The following RUNX1T1 variants were observed in gnomAD, a reference collection of about 807,000 sequenced individuals.
RUNX1T1 encodes the protein protein CBFA2T1.
Under a neutral mutation model 62.8 loss-of-function variants are expected in RUNX1T1, and 4 were observed. The ratio of observed to expected loss-of-function variants is 0.06; its 90% confidence interval spans 0.03 to 0.15. The LOEUF is 0.15. Ranked by LOEUF, RUNX1T1 falls within the 10% of genes least tolerant of loss-of-function variation. The probability of loss-of-function intolerance (pLI) is 1.00; values close to 1 mark genes in which losing one functional copy is unlikely to be tolerated. For synonymous variants in RUNX1T1, 291 were observed against 286.0 expected, an observed-to-expected ratio of 1.02 and a Z score of -0.18; for missense variants, 508 against 754.3, an observed-to-expected ratio of 0.67 and a Z score of 3.82.
At chr8:91,984,548 G>A (rs1290595710) in intron 8 of RUNX1T1, among the ~76,000 whole-genome samples, 1 of 152,086 alleles carries the variant, frequency 6.6e-6, no homozygotes, top group African/African-American at 2.4e-5. Context: ...ACATTGCCTG[G>A]CACATAGTAA....
chr8:92,101,524 G>A (rs1483483912), upstream of RUNX1T1, among the ~76,000 whole-genome samples: 1 of 152,234 alleles, frequency 6.6e-6, no homozygotes, highest in East Asian at 1.9e-4. Flanking sequence ...ACTAGGGCAC[G>A]GTGGAATTTG....
chr8:92,014,237 T>G (rs1398912766), intron 3 of RUNX1T1, among the ~76,000 whole-genome samples: 1 of 152,060 alleles, frequency 6.6e-6, no homozygotes, highest in Non-Finnish European at 1.5e-5. Context: ...CCACTAGGCA[T>G]GCCAGGAAAG....
intron 8 of RUNX1T1, among the ~76,000 whole-genome samples, chr8:91,983,022 G>C (rs1407611818): frequency 6.7e-6 from 1 of 148,352 alleles, no homozygotes; most frequent in East Asian, 2.0e-4. Flanking sequence ...CTGCCTCCCA[G>C]GTTCAGGTGA....
chr8:92,095,573 A>G, intron 1 of RUNX1T1: 1 of 1,446,530 alleles, frequency 6.9e-7, no homozygotes, highest in African/African-American at 1.4e-5. Flanking sequence ...GAAAATAAAC[A>G]GAGGGTGCGT....
intron 4 of RUNX1T1, among the ~76,000 whole-genome samples, chr8:92,006,975 AAATGACTTCCTACAGGATAAC>A (rs890993173): frequency 1.3e-5 from 2 of 152,200 alleles, no homozygotes; most frequent in African/African-American, 4.8e-5. Flanking sequence ...GTAACAATGG[AAATGACTTCCTACAGGATAAC>A]AATGCTAAAA....
chr8:92,057,961 C>CTAAG (rs1411037845), intron 1 of RUNX1T1, among the ~76,000 whole-genome samples: 1 of 152,088 alleles, frequency 6.6e-6, no homozygotes, highest in Non-Finnish European at 1.5e-5. Context: ...CCAAAAAATG[C>CTAAG]TAAGTTACAT....
In RUNX1T1 at chr8:92,003,695, A is replaced by G. The variant is rs1279555891; in HGVS notation, c.659+1421T>C. Among the ~76,000 whole-genome samples, 3 of 152,334 alleles carry G rather than the reference A, an allele frequency of 2.0e-5. No homozygotes were observed. In the East Asian group the frequency reaches 5.8e-4, roughly 29 times the overall value. On this transcript the variant is annotated intron_variant, in intron 5 of 10. Coordinates refer to ENST00000396218, the Ensembl canonical transcript of RUNX1T1. ...CAGTTCAGGTCAAACAGGAATGCAC[A>G]TGTAAATCACCTATTGTTGAGCCAC...
exon 6 of RUNX1T1, chr8:91,991,778 G>A (rs1247955152): frequency 6.2e-7 from 1 of 1,614,018 alleles, no homozygotes; most frequent in African/African-American, 1.3e-5. Context: ...CATTGGGCTG[G>A]TAGGATAAGC....
chr8:91,985,458 C>T (rs759267679), intron 8 of RUNX1T1, among the ~76,000 whole-genome samples: 16 of 151,870 alleles, frequency 1.1e-4, no homozygotes, highest in Non-Finnish European at 5.9e-5. Context: ...TATTATGAGT[C>T]CTATTATAAA....
intron 1 of RUNX1T1, among the ~76,000 whole-genome samples, chr8:92,022,120 A>T (rs1563776955): frequency 6.6e-6 from 1 of 151,498 alleles, no homozygotes; most frequent in South Asian, 2.1e-4. Context: ...TGATGGCGAT[A>T]TTTTTTAAAA....
chr8:92,026,690 C>T (rs991675203), intron 1 of RUNX1T1, among the ~76,000 whole-genome samples: 1 of 151,628 alleles, frequency 6.6e-6, no homozygotes, highest in Non-Finnish European at 1.5e-5. Context: ...GGCCTGGTGG[C>T]GGGCGCCTGT....
At chr8:92,042,633 C>T (rs888517420) in intron 1 of RUNX1T1, among the ~76,000 whole-genome samples, 1 of 152,172 alleles carries the variant, frequency 6.6e-6, no homozygotes, top group Non-Finnish European at 1.5e-5. Context: ...ATCTGCTTTC[C>T]CTCACCTTAA....
intron 1 of RUNX1T1, among the ~76,000 whole-genome samples, chr8:92,029,786 T>C (rs1223901106): frequency 6.6e-6 from 1 of 152,158 alleles, no homozygotes; most frequent in African/African-American, 2.4e-5. Context: ...GAAAACTTCT[T>C]GTAAAACCAA....
At chr8:91,955,343 A>G (rs1253498055), downstream of RUNX1T1, 1 of 227,598 alleles carries the variant, frequency 4.4e-6, no homozygotes, top group African/African-American at 2.2e-5. Context: ...AATAAGATGC[A>G]GTAACACATT....
chr8:92,000,032 A>G (rs981206913), intron 5 of RUNX1T1, among the ~76,000 whole-genome samples: 1 of 152,156 alleles, frequency 6.6e-6, no homozygotes, highest in African/African-American at 2.4e-5. Flanking sequence ...GTGGCTCGGT[A>G]CAGTGGCTCA....
exon 11 of RUNX1T1, chr8:91,959,534 G>T (rs1810012860): frequency 3.1e-5 from 5 of 162,812 alleles, no homozygotes; most frequent in East Asian, 2.5e-4. Flanking sequence ...TTGTATTATG[G>T]CATTTTTTTT....
At chr8:92,017,764 T>C (rs868154238) in intron 1 of RUNX1T1, 3 of 457,932 alleles carry the variant, frequency 6.6e-6, no homozygotes, top group South Asian at 1.2e-4. Context: ...AAGTCTGTTA[T>C]GCAGGTGAGA....
At chr8:92,017,626 G>A in intron 1 of RUNX1T1, 1 of 1,336,862 alleles carries the variant, frequency 7.5e-7, no homozygotes, top group East Asian at 3.1e-5. Context: ...ATGCTACCTT[G>A]GTAGTGTTAT....
chr8:92,068,384 T>G (rs529485590), intron 2 of RUNX1T1, among the ~76,000 whole-genome samples: 1 of 152,216 alleles, frequency 6.6e-6, no homozygotes, highest in East Asian at 1.9e-4. Context: ...TGGCATATGC[T>G]CCAATGAACT....
Sources: allele counts gnomAD v4.1 joint callset (sites outside exome capture counted in the v4.1 genomes callset), GRCh38; gene constraint gnomAD v4.1.1; transcripts MANE v1.5; gene names NCBI Gene and HGNC (gene_info 2026-07-23, HGNC 2026-07-21).